The following ITPR1 variants were observed in gnomAD, a reference collection of about 807,000 sequenced individuals.
ITPR1 encodes the protein inositol 1,4,5-trisphosphate receptor type 1, also known as inositol 1,4,5-trisphosphate-gated calcium channel ITPR1.
A neutral mutation model predicts 318.4 loss-of-function variants in ITPR1; 96 were observed. That is an observed-to-expected ratio of 0.30 (90% confidence interval 0.26 to 0.36). The LOEUF (loss-of-function observed/expected upper bound fraction) is 0.36. ITPR1 is among the 10% of genes least tolerant of loss of function. ITPR1 has a pLI of 1.00. For missense variants in ITPR1, 2,440 were observed against 3,460.2 expected, an observed-to-expected ratio of 0.71 and a Z score of 7.40; for synonymous variants, 1,312 against 1,289.9, an observed-to-expected ratio of 1.02 and a Z score of -0.37.
chr3:4,699,563 C>T (rs1156884358), intron 34 of ITPR1, among the ~76,000 whole-genome samples: 1 of 152,172 alleles, frequency 6.6e-6, no homozygotes, highest in East Asian at 1.9e-4. Context: ...TAGGAAGCTG[C>T]AAGCGGTGGC....
At chr3:4,696,364 G>A (rs778567936) in intron 33 of ITPR1, among the ~76,000 whole-genome samples, 1 of 152,154 alleles carries the variant, frequency 6.6e-6, no homozygotes, top group South Asian at 2.1e-4. Context: ...TCATACACAT[G>A]TGGTCTTTTA....
chr3:4,806,475 C>A (rs2048561598), intron 55 of ITPR1, among the ~76,000 whole-genome samples: 1 of 152,194 alleles, frequency 6.6e-6, no homozygotes, highest in South Asian at 2.1e-4. Flanking sequence ...AGTCACACAA[C>A]CGCACTGTGT....
chr3:4,780,368 G>C (rs1286742262), intron 49 of ITPR1, among the ~76,000 whole-genome samples: 1 of 152,130 alleles, frequency 6.6e-6, no homozygotes, highest in Non-Finnish European at 1.5e-5. Flanking sequence ...GCTGACGTTT[G>C]GATTTTTTGT....
chr3:4,697,218 T>C lies in ITPR1; in HGVS notation c.4353T>C (p.Tyr1451=). The stretch of plus-strand genomic sequence containing the variant: ...CAGAGGTGGAAATGAAGGAGATTTA[T>C]ACCAGCAATCACATGTGGAAATTGT... ...VDTEVEMKEI[Y]TSNHMWKLFE... Residue 1451 remains tyrosine, a synonymous_variant, in exon 34 of 62, where the codon TAT becomes TAC. Transcript: ENST00000649015. The C allele has an allele frequency of 6.3e-7, 1 of 1,593,402 alleles. No homozygotes were observed. The highest frequency in any genetic ancestry group is 8.6e-7 in the Non-Finnish European group (1 of 1,168,912).
intron 52 of ITPR1, among the ~76,000 whole-genome samples, chr3:4,793,697 C>G (rs970434271): frequency 3.3e-5 from 5 of 152,142 alleles, no homozygotes; most frequent in African/African-American, 1.2e-4. Context: ...TTATCCCTGC[C>G]GCTGACCCCA....
chr3:4,577,543 G>A (rs2088819377), intron 4 of ITPR1, among the ~76,000 whole-genome samples: 2 of 152,144 alleles, frequency 1.3e-5, no homozygotes, highest in Admixed American at 6.5e-5. Flanking sequence ...GTTGGTTTTT[G>A]TTAGTGTTGA....
At chr3:4,831,822 G>C (rs1469824776) in intron 60 of ITPR1, among the ~76,000 whole-genome samples, 1 of 152,226 alleles carries the variant, frequency 6.6e-6, no homozygotes, top group African/African-American at 2.4e-5. Context: ...GTCTTAGCTA[G>C]AGAGAAAGTA....
rs57515596 is a variant in ITPR1 at position 4,547,012 on chromosome 3, A to G, written c.163+25918A>G. ...AGTGTGACCTCCAATAACGCTCTTG[A>G]CCTGTCTGGGCCTTTGCTGCTTCAT... On this transcript the variant is annotated intron_variant, in intron 4 of 61. Transcript: ENST00000649015. Among the ~76,000 whole-genome samples, 849 of 152,150 alleles carry G rather than the reference A, an allele frequency of 5.6e-3. 6 individuals carry two copies. The highest frequency in any genetic ancestry group is 0.02 in the African/African-American group (810 of 41,504).
intron 2 of ITPR1, among the ~76,000 whole-genome samples, chr3:4,498,770 G>T (rs1228891628): frequency 6.6e-6 from 1 of 152,218 alleles, no homozygotes; most frequent in Non-Finnish European, 1.5e-5. Context: ...AGAGCAAATT[G>T]TAAGAACATA....
At chr3:4,641,726 T>A (rs2125152469) in intron 6 of ITPR1, among the ~76,000 whole-genome samples, 1 of 152,274 alleles carries the variant, frequency 6.6e-6, no homozygotes, top group East Asian at 1.9e-4. Flanking sequence ...CTTCCTCAGC[T>A]CCACCTTTGT....
chr3:4,752,492 G>T (rs112264323), intron 44 of ITPR1, among the ~76,000 whole-genome samples: 1 of 152,204 alleles, frequency 6.6e-6, no homozygotes, highest in Non-Finnish European at 1.5e-5. Context: ...CACATCAGCT[G>T]CCTTTGGCTG....
intron 4 of ITPR1, among the ~76,000 whole-genome samples, chr3:4,609,797 T>C (rs1002751113): frequency 3.9e-5 from 6 of 152,126 alleles, no homozygotes; most frequent in Non-Finnish European, 7.4e-5. Flanking sequence ...ATGGACAACA[T>C]AGAGGAATAG....
At chr3:4,667,092 C>T (rs977767374) in intron 17 of ITPR1, among the ~76,000 whole-genome samples, 2 of 152,102 alleles carry the variant, frequency 1.3e-5, no homozygotes, top group African/African-American at 4.8e-5. Context: ...AAAAATAAAT[C>T]ACTAGATTAA....
chr3:4,514,092 A>C (rs1394995780), intron 2 of ITPR1, among the ~76,000 whole-genome samples: 1 of 152,076 alleles, frequency 6.6e-6, no homozygotes, highest in East Asian at 1.9e-4. Context: ...GTCTAAAAAA[A>C]AAAAAAAAGT....
rs772649946 is a variant in ITPR1, at chr3:4,665,272, G to A, written c.1689G>A (p.Ser563=). ...TCTGCTACAGGGTGCTGAGACACTCGCAGCAAGACTACAGGAAGAACCAGG... is the reference window on the plus strand; with the variant it reads ...TCTGCTACAGGGTGCTGAGACACTCACAGCAAGACTACAGGAAGAACCAGG... ...CRLCYRVLRH[S]QQDYRKNQEY... The change falls in exon 17 of 62, where the codon TCG becomes TCA. Residue 563 remains serine (S), a synonymous_variant. Coordinates refer to ENST00000649015, the MANE Select transcript of ITPR1 (RefSeq NM_001378452.1). 1.7e-5 allele frequency: 27 copies of A among 1,612,836 alleles called. No homozygotes were observed. Among genetic ancestry groups the A allele is most frequent in the East Asian group, 2.2e-5 (1 of 44,872 alleles).
At chr3:4,641,357 C>G (rs949118250) in intron 6 of ITPR1, among the ~76,000 whole-genome samples, 2 of 152,108 alleles carry the variant, frequency 1.3e-5, no homozygotes, top group African/African-American at 4.8e-5. Flanking sequence ...ATGACAATCC[C>G]CTAAAGGGGT....
At position 4,779,422 on chromosome 3, in the gene ITPR1, C is replaced by T. The variant is rs2046678826; in HGVS notation, c.6292-128C>T. The T allele has an allele frequency of 3.0e-6, 2 of 668,156 alleles. No homozygotes were observed. Among genetic ancestry groups the T allele is most frequent in the Non-Finnish European group, 5.6e-6 (2 of 359,210 alleles). The allele number at this position is 668,156 out of a possible 1,614,324, so 41.4% of individuals were successfully genotyped here. ...GGATTTTGATGTCCTTAACCCAGAG[C>T]TTCCTCATGGGGTGAAATGTTCGTC... On this transcript the variant is annotated intron_variant, in intron 48 of 61. Transcript: ENST00000649015. This position sits in a 1 kb window ranked among gnomAD's most constrained non-coding sequence, Gnocchi z 4.0.
At chr3:4,525,653 G>T (rs2082920277) in intron 4 of ITPR1, among the ~76,000 whole-genome samples, 1 of 152,062 alleles carries the variant, frequency 6.6e-6, no homozygotes, top group Non-Finnish European at 1.5e-5. Context: ...TTATTAATAT[G>T]GTACCATTTT....
Position 4,667,562 on chromosome 3 carries a change from T to A in ITPR1, c.1886+13T>A. The A allele has an allele frequency of 6.2e-7, 1 of 1,609,396 alleles. No individual in the cohort carries two copies. Among genetic ancestry groups the A allele is most frequent in the South Asian group, 1.1e-5 (1 of 90,464 alleles). ...ACAGGGAGCCCAGGTGAGGCGGGAG[T>A]GGGGTCCATGCAGGATGGTGTCTCT... On this transcript the variant is annotated intron_variant, in intron 18 of 61. Transcript: ENST00000649015.
Sources: gnomAD v4.1 joint callset for allele counts (sites outside exome capture counted in the v4.1 genomes callset) on GRCh38, gnomAD v4.1.1 for gene constraint, Gnocchi (gnomAD v3.1) non-coding constraint, MANE v1.5 for transcripts, NCBI Gene and HGNC (gene_info 2026-07-23, HGNC 2026-07-21) for gene names.